Variants in ZFHX3 observed in about 807,000 individuals in gnomAD.
The protein encoded by ZFHX3 is zinc finger homeobox 3, also known as zinc finger homeobox protein 3.
A neutral mutation model predicts 279.1 loss-of-function variants in ZFHX3; 42 were observed. That is an observed-to-expected ratio of 0.15 (90% CI 0.12 to 0.19). The LOEUF (loss-of-function observed/expected upper bound fraction) is 0.19, where lower values mean the gene tolerates loss of function less well. Ranked by LOEUF, ZFHX3 falls within the 10% of genes least tolerant of loss-of-function variation. The pLI is 1.00. For missense variants in ZFHX3, 4,981 were observed against 4,754.0 expected, an observed-to-expected ratio of 1.05 and a Z score of -1.40; for synonymous variants, 2,293 against 1,957.8, an observed-to-expected ratio of 1.17 and a Z score of -4.52.
At chr16:73,625,174 C>T (rs2052403561) in intron 2 of ZFHX3, among the ~76,000 whole-genome samples, 1 of 152,196 alleles carries the variant, frequency 6.6e-6, no homozygotes, top group Admixed American at 6.5e-5. Flanking sequence ...TCAACTCAGC[C>T]TCAGCTAGAT....
intron 2 of ZFHX3, among the ~76,000 whole-genome samples, chr16:73,526,289 GT>G (rs2143717207): frequency 1.3e-5 from 2 of 152,348 alleles, no homozygotes; most frequent in East Asian, 3.9e-4. Context: ...TGATTAACGA[GT>G]GACAGGCCCA....
intron 2 of ZFHX3, among the ~76,000 whole-genome samples, chr16:73,539,697 G>C (rs141071941): frequency 2.0e-5 from 3 of 152,192 alleles, no homozygotes; most frequent in Admixed American, 6.5e-5. Flanking sequence ...TCAGTAAAGA[G>C]AGACGGCTCT....
intron 2 of ZFHX3, among the ~76,000 whole-genome samples, chr16:73,485,478 G>GA (rs140325871): frequency 0.019 from 2,840 of 148,652 alleles, 90 homozygotes; most frequent in African/African-American, 0.065. Context: ...TTTTTCTTAA[G>GA]AAAAAAATAT....
At chr16:73,459,953 G>C (rs886981709) in intron 2 of ZFHX3, among the ~76,000 whole-genome samples, 14 of 152,168 alleles carry the variant, frequency 9.2e-5, no homozygotes, top group Non-Finnish European at 2.1e-4. Flanking sequence ...AATTCAAGAT[G>C]AGATTTGGGT....
intron 3 of ZFHX3, among the ~76,000 whole-genome samples, chr16:72,948,699 C>A (rs1158579888): frequency 6.6e-6 from 1 of 152,228 alleles, no homozygotes; most frequent in Non-Finnish European, 1.5e-5. Flanking sequence ...AAGAGGCCAG[C>A]TTCATGCCAC....
chr16:73,480,732 G>A (rs554452932), intron 2 of ZFHX3, among the ~76,000 whole-genome samples: 16 of 152,318 alleles, frequency 1.1e-4, no homozygotes, highest in Non-Finnish European at 5.9e-5. Context: ...TTCATGGGGA[G>A]ATGTGAGTGT....
At chr16:72,801,248 C>T (rs1306365615) in intron 7 of ZFHX3, among the ~76,000 whole-genome samples, 1 of 152,198 alleles carries the variant, frequency 6.6e-6, no homozygotes, top group Non-Finnish European at 1.5e-5. Context: ...TTCTACGTGG[C>T]ACCCAGCCCC....
intron 1 of ZFHX3, among the ~76,000 whole-genome samples, chr16:73,841,761 C>G (rs1961314533): frequency 6.6e-6 from 1 of 152,170 alleles, no homozygotes; most frequent in African/African-American, 2.4e-5. Context: ...ATTATTGAAT[C>G]AGACCAAATT....
intron 3 of ZFHX3, among the ~76,000 whole-genome samples, chr16:72,914,153 T>C (rs2039385686): frequency 6.6e-6 from 1 of 152,170 alleles, no homozygotes; most frequent in Non-Finnish European, 1.5e-5. Context: ...AACTCTGAAA[T>C]TTCAGGGCAG....
intron 2 of ZFHX3, among the ~76,000 whole-genome samples, chr16:73,618,730 G>A (rs2052329133): frequency 6.6e-6 from 1 of 152,174 alleles, no homozygotes. Context: ...ATAATTCTTT[G>A]AAGGTGAAGC....
intron 1 of ZFHX3, among the ~76,000 whole-genome samples, chr16:73,028,138 G>A (rs962031999): frequency 6.6e-6 from 1 of 152,068 alleles, no homozygotes; most frequent in Admixed American, 6.5e-5. Context: ...TTTTTTTGGG[G>A]GAGTGTGGGG....
intron 8 of ZFHX3, among the ~76,000 whole-genome samples, chr16:73,072,313 G>C (rs1483674391): frequency 6.6e-6 from 1 of 152,002 alleles, no homozygotes. Context: ...GGCGTGGTGG[G>C]GGCGCCTGTA....
intron 5 of ZFHX3, among the ~76,000 whole-genome samples, chr16:73,150,282 C>T (rs1478304051): frequency 6.6e-6 from 1 of 152,108 alleles, no homozygotes; most frequent in Non-Finnish European, 1.5e-5. Context: ...AGAATGTTAT[C>T]CCTGTAGTTT....
chr16:73,385,488 C>T (rs2016884905), intron 3 of ZFHX3, among the ~76,000 whole-genome samples: 1 of 152,146 alleles, frequency 6.6e-6, no homozygotes, highest in South Asian at 2.1e-4. Context: ...TCCAATCTCT[C>T]CAACTGCAAC....
intron 5 of ZFHX3, among the ~76,000 whole-genome samples, chr16:73,145,793 G>T (rs1277414595): frequency 6.6e-6 from 1 of 152,212 alleles, no homozygotes; most frequent in Non-Finnish European, 1.5e-5. Context: ...GGGGCTGATT[G>T]GTTCTTGAAA....
intron 2 of ZFHX3, among the ~76,000 whole-genome samples, chr16:73,510,667 A>T (rs1455795029): frequency 6.6e-6 from 1 of 152,240 alleles, no homozygotes; most frequent in Non-Finnish European, 1.5e-5. Flanking sequence ...GAATAGCAGC[A>T]TGTGGTATTG....
At chr16:73,840,363 C>T (rs1456226842) in intron 1 of ZFHX3, among the ~76,000 whole-genome samples, 1 of 152,186 alleles carries the variant, frequency 6.6e-6, no homozygotes, top group Non-Finnish European at 1.5e-5. Context: ...GGGACCACCC[C>T]TTTAATGGTT....
At chr16:72,889,322 T>C (rs1276839425) in intron 4 of ZFHX3, among the ~76,000 whole-genome samples, 3 of 152,110 alleles carry the variant, frequency 2.0e-5, no homozygotes, top group African/African-American at 7.2e-5. Context: ...ACACACGATG[T>C]AGCATCTGCT....
chr16:72,854,938 T>TGGGGGGGGGGGG (rs373623618), intron 4 of ZFHX3, among the ~76,000 whole-genome samples: 1 of 73,914 alleles, frequency 1.4e-5, no homozygotes, highest in Non-Finnish European at 2.5e-5. Context: ...AATTGGTGGG[T>TGGGGGGGGGGGG]GGGGGGGGGG....
Sources: allele counts gnomAD v4.1 joint callset (sites outside exome capture counted in the v4.1 genomes callset), GRCh38; gene constraint gnomAD v4.1.1; transcripts MANE v1.5; gene names NCBI Gene and HGNC (gene_info 2026-07-23, HGNC 2026-07-21).